Variants in ZNF292 observed in about 807,000 individuals in gnomAD.
The protein encoded by ZNF292 is zinc finger protein 292, also known as 16 zinc-finger domain protein.
ZNF292 carries 26 observed loss-of-function variants against 217.9 expected under a neutral mutation model. The ratio of observed to expected loss-of-function variants is 0.12; its 90% CI spans 0.09 to 0.17. The LOEUF (loss-of-function observed/expected upper bound fraction) is 0.17, where lower values mean the gene tolerates loss of function less well. Ranked by LOEUF, ZNF292 falls within the 10% of genes least tolerant of loss-of-function variation. The probability of loss-of-function intolerance (pLI) is 1.00; values close to 1 mark genes in which losing one functional copy is unlikely to be tolerated. For synonymous variants in ZNF292, 1,257 were observed against 1,124.1 expected, an observed-to-expected ratio of 1.12 and a Z score of -2.37; for missense variants, 2,904 against 3,175.2, an observed-to-expected ratio of 0.91 and a Z score of 2.05.
intron 1 of ZNF292, among the ~76,000 whole-genome samples, chr6:87,156,416 G>A (rs1475679672): frequency 3.3e-5 from 5 of 152,236 alleles, no homozygotes; most frequent in African/African-American, 1.2e-4. Context: ...CTTGCTTGGT[G>A]CATCACTTCT....
chr6:87,187,754 C>T (rs1037562315), intron 1 of ZNF292, among the ~76,000 whole-genome samples: 4 of 147,768 alleles, frequency 2.7e-5, no homozygotes, highest in Non-Finnish European at 4.5e-5. Flanking sequence ...TTGCTGTTGA[C>T]TTAATGTAGT....
chr6:87,220,246 ATCT>A (rs1161442192), intron 4 of ZNF292, among the ~76,000 whole-genome samples: 3 of 152,214 alleles, frequency 2.0e-5, no homozygotes, highest in Non-Finnish European at 2.9e-5. Flanking sequence ...ATACTTTCTG[ATCT>A]TCTCAGCTTT....
intron 1 of ZNF292, among the ~76,000 whole-genome samples, chr6:87,158,817 A>T (rs978955048): frequency 6.6e-6 from 1 of 152,272 alleles, no homozygotes; most frequent in African/African-American, 2.4e-5. Context: ...ACTAGGAGCT[A>T]GAAATTATGT....
chr6:87,191,844 TAG>T (rs1771830430), intron 1 of ZNF292, among the ~76,000 whole-genome samples: 1 of 152,114 alleles, frequency 6.6e-6, no homozygotes, highest in Non-Finnish European at 1.5e-5. Context: ...TGTATTTTAG[TAG>T]AGACAGAGTT....
At chr6:87,252,948 C>T (rs1775006013) in intron 7 of ZNF292, among the ~76,000 whole-genome samples, 1 of 151,960 alleles carries the variant, frequency 6.6e-6, no homozygotes, top group Non-Finnish European at 1.5e-5. Context: ...TGCTCTGTTG[C>T]CCAGGCTGGA....
In ZNF292 at chr6:87,177,817, C is replaced by T. The variant is rs1379211995; in HGVS notation, c.168+22058C>T. Among the ~76,000 whole-genome samples, 3 of 152,230 alleles carry T rather than the reference C, an allele frequency of 2.0e-5. No homozygotes were observed. In the East Asian group the frequency reaches 5.8e-4, roughly 29 times the overall value. On this transcript the variant is annotated intron_variant, in intron 1 of 7. Transcript: ENST00000369577. ...TGAGGCATCAGTACAGTGCACATCA[C>T]ATTAACAAGCACCATGTAAAATGCT...
chr6:87,238,987 C>T (rs1774055291), intron 5 of ZNF292, among the ~76,000 whole-genome samples: 1 of 152,216 alleles, frequency 6.6e-6, no homozygotes, highest in African/African-American at 2.4e-5. Context: ...TCAGAGAGCA[C>T]CAGGTTGGGG....
chr6:87,194,371 A>G (rs1582404074), intron 1 of ZNF292, among the ~76,000 whole-genome samples: 1 of 152,028 alleles, frequency 6.6e-6, no homozygotes, highest in Non-Finnish European at 1.5e-5. Context: ...TAGAAAAAAA[A>G]GTTCAAATTA....
intron 1 of ZNF292, among the ~76,000 whole-genome samples, chr6:87,208,135 T>C (rs766181602): frequency 1.3e-5 from 2 of 152,208 alleles, no homozygotes; most frequent in East Asian, 3.8e-4. Flanking sequence ...TTTGCTCCAG[T>C]GTTGCAGTTG....
Position 87,259,242 on chromosome 6 carries a change from C to A in ZNF292, c.5613C>A (p.Pro1871=). Reference sequence around the variant, plus strand: ...TAAATACATCAGTGACACTGACTCCCACGCCTGTTAAATCAACTGCAGATA... The same window carrying A: ...TAAATACATCAGTGACACTGACTCCAACGCCTGTTAAATCAACTGCAGATA... The part of the protein sequence containing the change: ...VLINTSVTLT[P]TPVKSTADIT... The change falls in exon 8 of 8, where the codon CCC becomes CCA. Residue 1871 remains proline, a synonymous_variant. Transcript: ENST00000369577. 1.2e-6 allele frequency: 2 copies of A among 1,613,678 alleles called. No individual in the cohort carries two copies. The highest frequency in any genetic ancestry group is 1.1e-5 in the South Asian group (1 of 91,076).
At chr6:87,181,029 C>T (rs1771455083) in intron 1 of ZNF292, among the ~76,000 whole-genome samples, 1 of 152,022 alleles carries the variant, frequency 6.6e-6, no homozygotes, top group Non-Finnish European at 1.5e-5. Flanking sequence ...GGCTCTTGGC[C>T]CCATGGTAAT....
chr6:87,182,157 G>T (rs1486662532), intron 1 of ZNF292, among the ~76,000 whole-genome samples: 1 of 152,126 alleles, frequency 6.6e-6, no homozygotes, highest in African/African-American at 2.4e-5. Context: ...AAATATCATG[G>T]TTGTAAATGC....
intron 5 of ZNF292, among the ~76,000 whole-genome samples, chr6:87,235,295 C>T (rs1423221422): frequency 2.0e-5 from 3 of 152,060 alleles, no homozygotes; most frequent in African/African-American, 7.2e-5. Flanking sequence ...AGATATTTTT[C>T]AGTGCCACGA....
intron 1 of ZNF292, among the ~76,000 whole-genome samples, chr6:87,189,005 G>A (rs913867200): frequency 6.6e-6 from 1 of 151,984 alleles, no homozygotes; most frequent in African/African-American, 2.4e-5. Context: ...AGGAATTAGG[G>A]ACCAGCCTGG....
chr6:87,172,767 C>T (rs532100249), intron 1 of ZNF292, among the ~76,000 whole-genome samples: 8 of 151,644 alleles, frequency 5.3e-5, no homozygotes, highest in Non-Finnish European at 5.9e-5. Flanking sequence ...ATTAGCTGGG[C>T]GTGGTGGTGC....
Position 87,160,344 on chromosome 6 carries a change from G to A in ZNF292, c.168+4585G>A, listed in dbSNP as rs147783407. Among the ~76,000 whole-genome samples, 188 of 152,290 alleles carry A rather than the reference G, an allele frequency of 1.2e-3. 1 individual carries two copies. Among genetic ancestry groups the A allele is most frequent in the African/African-American group, 4.5e-3 (185 of 41,550 alleles). The stretch of plus-strand genomic sequence containing the variant: ...TGTTGGAGTATGATATTTGCTGACA[G>A]CACTATATACTGGACTGGCCGACTG... On this transcript the variant is annotated intron_variant, in intron 1 of 7. Transcript: ENST00000369577.
intron 1 of ZNF292, among the ~76,000 whole-genome samples, chr6:87,203,252 C>T (rs923684117): frequency 1.3e-5 from 2 of 151,174 alleles, no homozygotes; most frequent in Non-Finnish European, 2.9e-5. Context: ...GTGATCCTCC[C>T]ACCTCAGCAC....
At position 87,257,424 on chromosome 6, in the gene ZNF292, A is replaced by G. The variant is rs1054936565; in HGVS notation, c.3795A>G (p.Leu1265=). ...IDSGSDPFLP[L]PAESSSMSLF... Reference sequence around the variant, plus strand: ...GTGGCTCAGATCCTTTCCTTCCTTTACCTGCAGAAAGTAGTTCAATGTCTC... The same window carrying G: ...GTGGCTCAGATCCTTTCCTTCCTTTGCCTGCAGAAAGTAGTTCAATGTCTC... Residue 1265 remains leucine, a synonymous_variant, in exon 8 of 8, where the codon TTA becomes TTG. Coordinates refer to ENST00000369577, the MANE Select transcript of ZNF292 (RefSeq NM_015021.3). The G allele has an allele frequency of 1.9e-6, 3 of 1,613,358 alleles. No individual in the cohort carries two copies. The highest frequency in any genetic ancestry group is 2.7e-5 in the African/African-American group (2 of 74,898).
rs923061046 is a variant in ZNF292 at position 87,243,588 on chromosome 6, A to G, written c.855A>G (p.Gln285=). 3 of 1,549,614 alleles carry G rather than the reference A, an allele frequency of 1.9e-6. No individual in the cohort carries two copies. Among genetic ancestry groups the G allele is most frequent in the Middle Eastern group, 1.7e-4 (1 of 5,966 alleles). Residue 285 remains glutamine, a synonymous_variant, in exon 6 of 8, where the codon CAA becomes CAG. Coordinates refer to ENST00000369577, the MANE Select transcript of ZNF292 (RefSeq NM_015021.3). The part of the protein sequence containing the change: ...LCTAFLSRQL[Q]QGDMYCAWEL... ...CTGCGTTTTTGTCACGTCAGCTCCA[A>G]CAAGGAGATATGTACTGCGCTTGGT...
Sources: allele counts gnomAD v4.1 joint callset (sites outside exome capture counted in the v4.1 genomes callset), GRCh38; gene constraint gnomAD v4.1.1; transcripts MANE v1.5; gene names NCBI Gene and HGNC (gene_info 2026-07-23, HGNC 2026-07-21).